Variants in NFATC2 observed in about 807,000 individuals in gnomAD.
The protein encoded by NFATC2 is nuclear factor of activated T cells 2, also known as nuclear factor of activated T-cells, cytoplasmic 2.
In NFATC2, 22 loss-of-function variants were observed where a neutral mutation model predicts 87.3. That is an observed-to-expected ratio of 0.25 (90% CI 0.18 to 0.36). NFATC2 has a LOEUF of 0.36. Among genes scored for constraint, NFATC2 ranks in the 10% least tolerant of loss-of-function variants. The pLI, the probability that NFATC2 is intolerant of heterozygous loss-of-function variation, is 1.00. For synonymous variants in NFATC2, 565 were observed against 542.2 expected (o/e 1.04, Z -0.58); for missense variants, 1,149 against 1,259.1 (o/e 0.91, Z 1.32).
intron 6 of NFATC2, among the ~76,000 whole-genome samples, chr20:51,439,027 TGGGTGGGACCCTTGTA>T (rs1983966099): frequency 6.6e-6 from 1 of 152,338 alleles, no homozygotes. Context: ...AGATCTCATG[TGGGTGGGACCCTTGTA>T]GGGTCACTCA....
chr20:51,400,895 T>C (rs1339748209), intron 9 of NFATC2, among the ~76,000 whole-genome samples: 3 of 152,184 alleles, frequency 2.0e-5, no homozygotes, highest in Middle Eastern at 3.2e-3. Context: ...TGGGTACTAG[T>C]CCTGGGCTAG....
rs138421189 is a variant in NFATC2 at position 51,432,456 on chromosome 20, G to A, written c.2333C>T (p.Ala778Val). The change falls in exon 9 of 11, where the codon GCG (alanine) becomes GTG (valine). Residue 778 changes from alanine to valine, a missense_variant. Around this residue, in one of 3 missense-constraint regions of NFATC2, gnomAD observed 581 missense variants for 649.7 expected, o/e 0.89. Transcript: ENST00000371564. The surrounding 1 kb of genome is among the most constrained non-coding windows in gnomAD (Gnocchi z 4.6). ...PALMAAPLSL[A>V]DAHRSVLVHA... ...CACCAGCACAGAGCGGTGAGCGTCC[G>A]CAAGGGACAGCGGGGCGGCCATGAG... is the stretch of plus-strand genomic sequence containing the variant. 106 of 1,564,748 alleles carry A rather than the reference G, an allele frequency of 6.8e-5. No homozygotes were observed. The highest frequency in any genetic ancestry group is 7.9e-5 in the Non-Finnish European group (91 of 1,153,996).
chr20:51,394,907 C>T (rs1341413586), intron 10 of NFATC2, among the ~76,000 whole-genome samples: 2 of 152,188 alleles, frequency 1.3e-5, no homozygotes, highest in South Asian at 2.1e-4. Context: ...ATGGTGCCCT[C>T]ACTCGCTCCA....
intron 5 of NFATC2, among the ~76,000 whole-genome samples, chr20:51,473,565 C>A (rs1043323242): frequency 6.6e-6 from 1 of 152,070 alleles, no homozygotes; most frequent in African/African-American, 2.4e-5. Flanking sequence ...AGTCAAAGCT[C>A]AATGAGTGAG....
chr20:51,522,681 T>C (rs552712958), intron 2 of NFATC2, among the ~76,000 whole-genome samples: 2 of 152,296 alleles, frequency 1.3e-5, no homozygotes, highest in East Asian at 3.9e-4. Flanking sequence ...GCTTGCTTTG[T>C]GCCTACCAGA....
intron 3 of NFATC2, among the ~76,000 whole-genome samples, chr20:51,504,799 CACTTAA>C (rs972211067): frequency 1.4e-4 from 21 of 152,062 alleles, no homozygotes; most frequent in Admixed American, 1.1e-3. Context: ...GCATGGAATG[CACTTAA>C]ACTTACTCAG....
chr20:51,409,001 T>C (rs912892864), intron 9 of NFATC2, among the ~76,000 whole-genome samples: 3 of 152,204 alleles, frequency 2.0e-5, no homozygotes, highest in African/African-American at 7.2e-5. Context: ...GAAATTTAAC[T>C]ACATGAAAAT....
At chr20:51,447,540 C>T (rs1302129997) in intron 6 of NFATC2, among the ~76,000 whole-genome samples, 3 of 152,192 alleles carry the variant, frequency 2.0e-5, no homozygotes, top group Admixed American at 6.5e-5. Context: ...CGCAGCGAGT[C>T]GCTCAAAGCC....
chr20:51,533,221 A>G (rs946537975), intron 1 of NFATC2, among the ~76,000 whole-genome samples: 1 of 152,242 alleles, frequency 6.6e-6, no homozygotes, highest in African/African-American at 2.4e-5. Flanking sequence ...AAAACAGAGC[A>G]GGAAGGTGGA....
Position 51,476,201 on chromosome 20 carries a change from A to G in NFATC2, c.1333-541T>C, listed in dbSNP as rs900461838. On this transcript the variant is annotated intron_variant, in intron 3 of 10. Transcript: ENST00000371564. ...ATTAACTCATCATTTAACATTAGGT[A>G]TATCTCCTAATGCTATCCCTCCCCC... 2.6e-4 allele frequency among the ~76,000 whole-genome samples: 39 copies of G among 148,124 alleles called. 2 individuals are homozygous for G. Among genetic ancestry groups the G allele is most frequent in the African/African-American group, 9.6e-4 (39 of 40,586 alleles).
At chr20:51,425,911 T>C (rs959852926) in intron 9 of NFATC2, among the ~76,000 whole-genome samples, 1 of 152,080 alleles carries the variant, frequency 6.6e-6, no homozygotes, top group African/African-American at 2.4e-5. Context: ...CAGGGAGCCA[T>C]GGCAGGGGAT....
chr20:51,488,903 T>C (rs2075831070), intron 3 of NFATC2, among the ~76,000 whole-genome samples: 1 of 152,214 alleles, frequency 6.6e-6, no homozygotes, highest in Non-Finnish European at 1.5e-5. Context: ...AAGAATTACA[T>C]TCAAGCTGGG....
intron 9 of NFATC2, among the ~76,000 whole-genome samples, chr20:51,425,421 C>G (rs1981646367): frequency 6.6e-6 from 1 of 152,214 alleles, no homozygotes; most frequent in Non-Finnish European, 1.5e-5. Context: ...ACCGGGCTCT[C>G]CAGGTGCCCA....
chr20:51,497,565 T>C (rs2076009253), intron 3 of NFATC2, among the ~76,000 whole-genome samples: 1 of 152,200 alleles, frequency 6.6e-6, no homozygotes, highest in African/African-American at 2.4e-5. Context: ...ATTTGGGTAC[T>C]CATGGCTTAT....
intron 1 of NFATC2, among the ~76,000 whole-genome samples, chr20:51,559,256 A>C (rs1198344760): frequency 6.6e-6 from 1 of 152,246 alleles, no homozygotes; most frequent in Non-Finnish European, 1.5e-5. Context: ...TCAAAGCAAG[A>C]AGCCCTCGCT....
At chr20:51,428,876 G>A (rs766764340) in intron 9 of NFATC2, among the ~76,000 whole-genome samples, 1 of 152,316 alleles carries the variant, frequency 6.6e-6, no homozygotes, top group Middle Eastern at 3.4e-3. Flanking sequence ...AAATGCCCAC[G>A]CACAGGCAGC....
rs11086330 is a variant in NFATC2 at position 51,388,507 on chromosome 20, A to AC, written c.*2988_*2989insG. On this transcript the variant is annotated 3_prime_UTR_variant, in exon 11 of 11. Coordinates refer to ENST00000371564, the MANE Select transcript of NFATC2 (RefSeq NM_012340.5). ...TCAAGAATACATCATTTCTCTTAAG[A>AC]AAAAAAAATCAACCTATGTGTAAAA... 2 of 20,036 alleles carry AC rather than the reference A, an allele frequency of 1.0e-4. No homozygotes were observed. Among genetic ancestry groups the AC allele is most frequent in the Non-Finnish European group, 1.6e-4 (2 of 12,354 alleles). 1.2% of individuals were successfully genotyped at this position (20,036 alleles called of 1,614,324 possible). A position where few individuals can be genotyped will look rare whatever the true frequency, so the allele number is the denominator to read the frequency against.
At chr20:51,459,051 C>T (rs1986866398) in intron 5 of NFATC2, among the ~76,000 whole-genome samples, 1 of 152,212 alleles carries the variant, frequency 6.6e-6, no homozygotes, top group Non-Finnish European at 1.5e-5. Context: ...AAGGTCACAA[C>T]AGTACCTGCC....
chr20:51,487,549 A>T (rs1989819433), intron 3 of NFATC2, among the ~76,000 whole-genome samples: 1 of 152,206 alleles, frequency 6.6e-6, no homozygotes, highest in South Asian at 2.1e-4. Context: ...GCTTTGAAAA[A>T]ATGTTCCACC....
Sources: gnomAD v4.1 joint callset for allele counts (sites outside exome capture counted in the v4.1 genomes callset) on GRCh38, gnomAD v4.1.1 for gene constraint, gnomAD v4.1.1 regional missense constraint, Gnocchi (gnomAD v3.1) non-coding constraint, MANE v1.5 for transcripts, NCBI Gene and HGNC (gene_info 2026-07-23, HGNC 2026-07-21) for gene names.